The following ARHGAP26 variants were observed in gnomAD, a reference collection of about 807,000 sequenced individuals.
ARHGAP26 encodes the protein Rho GTPase activating protein 26.
In ARHGAP26, 38 loss-of-function variants were observed where a neutral mutation model predicts 104.8. That is an observed-to-expected ratio of 0.36 (90% CI 0.28 to 0.48). The LOEUF (loss-of-function observed/expected upper bound fraction) is 0.48. Ranked by LOEUF, ARHGAP26 falls within the 20% of genes least tolerant of loss-of-function variation. The pLI is 0.99. For synonymous variants in ARHGAP26, 341 were observed against 340.0 expected (o/e 1.00, Z -0.03); for missense variants, 704 against 947.9 (o/e 0.74, Z 3.38).
intron 11 of ARHGAP26, among the ~76,000 whole-genome samples, chr5:142,974,712 A>T (rs978074062): frequency 5.9e-5 from 9 of 152,192 alleles, no homozygotes; most frequent in Admixed American, 5.9e-4. Flanking sequence ...TTGTCTTCAC[A>T]TCAGTAATAC....
intron 18 of ARHGAP26, among the ~76,000 whole-genome samples, chr5:143,126,722 A>G (rs1357567621): frequency 6.6e-6 from 1 of 152,242 alleles, no homozygotes; most frequent in Non-Finnish European, 1.5e-5. Context: ...TCCTTGAATT[A>G]TATGAGAACT....
chr5:143,222,740 A>C lies in ARHGAP26; in HGVS notation c.*294A>C. 1 of 281,062 alleles carries C rather than the reference A, an allele frequency of 3.6e-6. No individual in the cohort carries two copies. The highest frequency in any genetic ancestry group is 6.7e-6 in the Non-Finnish European group (1 of 150,132). 17.4% of individuals were successfully genotyped at this position (281,062 alleles called of 1,614,324 possible). ...TGAGTACCCTGAATAGGGGGCACTC[A>C]TTTTGTTTCAACGGTCCAAACGCCC... On this transcript the variant is annotated 3_prime_UTR_variant, in exon 23 of 23. Coordinates refer to ENST00000645722, the MANE Select transcript of ARHGAP26 (RefSeq NM_001135608.3).
At chr5:143,162,973 T>C (rs1327122541) in intron 20 of ARHGAP26, among the ~76,000 whole-genome samples, 1 of 151,300 alleles carries the variant, frequency 6.6e-6, no homozygotes, top group East Asian at 1.9e-4. Context: ...AAAAGTTAGC[T>C]GAGTGTGGTG....
intron 1 of ARHGAP26, chr5:142,868,014 T>G (rs1171215681): frequency 6.6e-6 from 1 of 152,194 alleles, no homozygotes; most frequent in Non-Finnish European, 1.5e-5. Context: ...GATAGAGTGG[T>G]GAGCATGAAG....
At chr5:142,944,247 A>C (rs1766789178) in intron 11 of ARHGAP26, among the ~76,000 whole-genome samples, 2 of 152,170 alleles carry the variant, frequency 1.3e-5, no homozygotes, top group African/African-American at 4.8e-5. Flanking sequence ...TTTTTGACAT[A>C]ATAATAGCTT....
chr5:142,917,830 C>T (rs1219639680), intron 10 of ARHGAP26, among the ~76,000 whole-genome samples: 2 of 152,126 alleles, frequency 1.3e-5, no homozygotes, highest in African/African-American at 4.8e-5. Context: ...GTCACTGTCC[C>T]TAGCTCCACC....
chr5:142,778,314 A>T (rs1756765859), intron 1 of ARHGAP26, among the ~76,000 whole-genome samples: 1 of 152,236 alleles, frequency 6.6e-6, no homozygotes, highest in Admixed American at 6.5e-5. Context: ...TATGACATGG[A>T]TAGTTCCTGA....
At chr5:142,809,349 A>G (rs1031309856) in intron 1 of ARHGAP26, among the ~76,000 whole-genome samples, 5 of 152,248 alleles carry the variant, frequency 3.3e-5, no homozygotes, top group Admixed American at 6.5e-5. Context: ...GAGAGAAGCC[A>G]GGATGTGAAG....
chr5:143,031,149 T>G (rs1781781149), intron 12 of ARHGAP26, among the ~76,000 whole-genome samples: 1 of 152,220 alleles, frequency 6.6e-6, no homozygotes, highest in Admixed American at 6.5e-5. Context: ...AGACAGCCAG[T>G]GTGGCTAGGT....
chr5:143,183,363 G>A (rs537573524), intron 20 of ARHGAP26, among the ~76,000 whole-genome samples: 4 of 152,124 alleles, frequency 2.6e-5, no homozygotes, highest in Non-Finnish European at 5.9e-5. Flanking sequence ...CTTATCGTGG[G>A]GATTGAGGAG....
chr5:142,900,363 G>A (rs1598152706), intron 6 of ARHGAP26, among the ~76,000 whole-genome samples: 1 of 152,152 alleles, frequency 6.6e-6, no homozygotes, highest in African/African-American at 2.4e-5. Context: ...GGTGCCACTG[G>A]ATAGTTTTAT....
intron 1 of ARHGAP26, among the ~76,000 whole-genome samples, chr5:142,826,667 A>G (rs922293547): frequency 5.3e-5 from 8 of 152,130 alleles, no homozygotes; most frequent in African/African-American, 1.9e-4. Flanking sequence ...GGCCTTCTTG[A>G]GACCCATGAG....
intron 1 of ARHGAP26, among the ~76,000 whole-genome samples, chr5:142,794,857 G>C (rs573958727): frequency 6.6e-6 from 1 of 152,174 alleles, no homozygotes; most frequent in Non-Finnish European, 1.5e-5. Flanking sequence ...TTATCTTCCA[G>C]AGTCTCTTTC....
intron 1 of ARHGAP26, among the ~76,000 whole-genome samples, chr5:142,795,838 C>T (rs1232661046): frequency 6.6e-6 from 1 of 152,118 alleles, no homozygotes; most frequent in Non-Finnish European, 1.5e-5. Context: ...CCACTTTGTA[C>T]AGGTAAGTTA....
intron 17 of ARHGAP26, among the ~76,000 whole-genome samples, chr5:143,109,104 C>T (rs1562441955): frequency 6.6e-6 from 1 of 152,208 alleles, no homozygotes; most frequent in Non-Finnish European, 1.5e-5. Flanking sequence ...ATGGACTCTA[C>T]AAATATTAAT....
intron 17 of ARHGAP26, among the ~76,000 whole-genome samples, chr5:143,065,132 T>C (rs1224210756): frequency 6.6e-6 from 1 of 152,126 alleles, no homozygotes; most frequent in Admixed American, 6.6e-5. Context: ...TTTGGGAGTA[T>C]TATAAAAGTG....
At chr5:142,874,732 G>A (rs1023109357) in intron 2 of ARHGAP26, among the ~76,000 whole-genome samples, 3 of 152,062 alleles carry the variant, frequency 2.0e-5, no homozygotes, top group East Asian at 1.9e-4. Context: ...GGGTTCTGAC[G>A]CAACGCCATG....
intron 10 of ARHGAP26, among the ~76,000 whole-genome samples, chr5:142,928,899 T>C (rs1029554852): frequency 6.6e-6 from 1 of 152,146 alleles, no homozygotes; most frequent in Non-Finnish European, 1.5e-5. Context: ...AATTTCTCTT[T>C]CATTGTTTTA....
At chr5:142,906,485 C>T (rs1394933771) in intron 8 of ARHGAP26, among the ~76,000 whole-genome samples, 1 of 152,152 alleles carries the variant, frequency 6.6e-6, no homozygotes, top group African/African-American at 2.4e-5. Flanking sequence ...AGTCCTGCTC[C>T]TCTTTCTTCC....
Sources: gnomAD v4.1 joint callset for allele counts (sites outside exome capture counted in the v4.1 genomes callset) on GRCh38, gnomAD v4.1.1 for gene constraint, MANE v1.5 for transcripts, NCBI Gene and HGNC (gene_info 2026-07-23, HGNC 2026-07-21) for gene names.